GABRR1: variants seen among roughly 807,000 people sequenced by gnomAD.
The protein encoded by GABRR1 is gamma-aminobutyric acid type A receptor subunit rho1.
A neutral mutation model predicts 55.5 loss-of-function variants in GABRR1; 59 were observed. The ratio of observed to expected loss-of-function variants is 1.06; its 90% confidence interval spans 0.86 to 1.32. The LOEUF (loss-of-function observed/expected upper bound fraction) is 1.32, where lower values mean the gene tolerates loss of function less well. GABRR1 is among the 40% of genes most tolerant of loss of function. The pLI is 0.00. For synonymous variants in GABRR1, 213 were observed against 226.0 expected, an observed-to-expected ratio of 0.94 and a Z score of 0.51; for missense variants, 602 against 619.1, an observed-to-expected ratio of 0.97 and a Z score of 0.29.
At chr6:89,201,032 T>C (rs1772454316) in intron 3 of GABRR1, 127 bp downstream of exon 3, 2 of 692,246 alleles carry the variant, frequency 2.9e-6, no homozygotes, top group Non-Finnish European at 5.2e-6. Context: ...CGATGTCTTG[T>C]CCACCAAGCA....
chr6:89,222,279 G>T (rs1037202656), upstream of GABRR1, among the ~76,000 whole-genome samples: 2 of 152,172 alleles, frequency 1.3e-5, no homozygotes, highest in Admixed American at 6.5e-5. Flanking sequence ...AAATTTGGGG[G>T]AACAGTCAGC....
At chr6:89,190,379 A>G in intron 5 of GABRR1, 132 bp from the exon 6 acceptor site, 2 of 578,466 alleles carry the variant, frequency 3.5e-6, no homozygotes, top group East Asian at 3.0e-5. Flanking sequence ...GCAATGTGTC[A>G]GGGTTTAGAT....
chr6:89,184,596 G>A (rs1771836153), intron 7 of GABRR1, among the ~76,000 whole-genome samples: 1 of 152,180 alleles, frequency 6.6e-6, no homozygotes, highest in African/African-American at 2.4e-5. Flanking sequence ...CCACGGGGCT[G>A]GCTGGAGCAG....
intron 1 of GABRR1, among the ~76,000 whole-genome samples, chr6:89,204,335 G>A (rs1475920691): frequency 6.6e-6 from 1 of 152,244 alleles, no homozygotes; most frequent in Non-Finnish European, 1.5e-5. Context: ...CTGCAGGCGT[G>A]GGCAGAGCTA....
intron 5 of GABRR1, among the ~76,000 whole-genome samples, chr6:89,196,864 AAAGAAAGAAAG>A (rs1466416408): frequency 4.4e-5 from 6 of 135,586 alleles, no homozygotes; most frequent in East Asian, 4.1e-4. Context: ...AGAAAGAAAG[AAAGAAAGAAAG>A]AAAGAGAAGA....
upstream of GABRR1, among the ~76,000 whole-genome samples, chr6:89,218,330 A>T (rs1158413833): frequency 6.6e-6 from 1 of 152,188 alleles, no homozygotes; most frequent in Non-Finnish European, 1.5e-5. Context: ...TAATTACACA[A>T]GACTGAAAAA....
At chr6:89,224,962 T>G (rs1436447276) in intron 1 of GABRR1, among the ~76,000 whole-genome samples, 2 of 152,136 alleles carry the variant, frequency 1.3e-5, no homozygotes, top group Non-Finnish European at 2.9e-5. Flanking sequence ...TTTGTATTTT[T>G]AGTAGAGATG....
intron 1 of GABRR1, among the ~76,000 whole-genome samples, chr6:89,212,749 G>A (rs1397531950): frequency 1.3e-5 from 2 of 152,080 alleles, no homozygotes; most frequent in Admixed American, 6.5e-5. Context: ...GCTCACTGCA[G>A]CCTTGACATC....
intron 1 of GABRR1, 148 bp from the exon 2 acceptor site, chr6:89,203,633 C>T: frequency 3.0e-6 from 2 of 660,392 alleles, no homozygotes; most frequent in South Asian, 3.7e-5. Context: ...TCAATGCATT[C>T]ATTTAGCCTC....
At chr6:89,220,467 T>G (rs1773098372), upstream of GABRR1, among the ~76,000 whole-genome samples, 1 of 152,220 alleles carries the variant, frequency 6.6e-6, no homozygotes, top group African/African-American at 2.4e-5. Context: ...CATGCATCCC[T>G]CTTACTGCTG....
chr6:89,196,879 G>GAA (rs59573364), intron 5 of GABRR1, among the ~76,000 whole-genome samples: 18,084 of 136,800 alleles, frequency 0.13, 1,464 homozygotes, highest in African/African-American at 0.19. Context: ...AAGAAAGAAA[G>GAA]AGAAGAGAAG....
intron 5 of GABRR1, among the ~76,000 whole-genome samples, chr6:89,197,265 C>G (rs899415804): frequency 3.9e-5 from 6 of 152,192 alleles, no homozygotes; most frequent in Non-Finnish European, 7.3e-5. Context: ...AGCACGGAAG[C>G]CAAAGCAAAG....
upstream of GABRR1, chr6:89,217,556 T>G (rs532270620): frequency 2.4e-6 from 1 of 419,262 alleles, no homozygotes; most frequent in East Asian, 3.9e-5. Flanking sequence ...TGAATTCCTG[T>G]GTCCCAGTGG....
In GABRR1 at chr6:89,178,734, G is replaced by A. The variant is rs753708645; in HGVS notation, c.*36C>T. 7 of 1,540,870 alleles carry A rather than the reference G, an allele frequency of 4.5e-6. No homozygotes were observed. Among genetic ancestry groups the A allele is most frequent in the Non-Finnish European group, 6.3e-6 (7 of 1,114,856 alleles). On this transcript the variant is annotated 3_prime_UTR_variant, in exon 10 of 10. Coordinates refer to ENST00000454853, the MANE Select transcript of GABRR1 (RefSeq NM_002042.5). ...TTATACAGTTATTTCTGTAGTGCAT[G>A]CCATGGAAATGTGAAATTTGTAGAA...
chr6:89,196,793 G>GAAA (rs1772287157), intron 5 of GABRR1, among the ~76,000 whole-genome samples: 5 of 77,428 alleles, frequency 6.5e-5, no homozygotes, highest in Non-Finnish European at 1.3e-4. Flanking sequence ...AAGAAAAGAA[G>GAAA]GAAAGAAAAG....
At position 89,182,049 on chromosome 6, in the gene GABRR1, T is replaced by C. The variant is rs1327502687; in HGVS notation, c.805A>G (p.Asn269Asp). 1 of 1,613,944 alleles carries C rather than the reference T, an allele frequency of 6.2e-7. No individual in the cohort carries two copies. The highest frequency in any genetic ancestry group is 8.5e-7 in the Non-Finnish European group (1 of 1,179,986). Reference protein sequence around the residue: ...LAFYSSTGWYNRLYINFTLRR... With the variant: ...LAFYSSTGWYDRLYINFTLRR... Reference sequence around the variant, plus strand: ...AACGTGAAATTAATGTAGAGACGGTTGTACCAGCCTGGGGGACACAGGAAT... The same window carrying C: ...AACGTGAAATTAATGTAGAGACGGTCGTACCAGCCTGGGGGACACAGGAAT... Residue 269 changes from asparagine to aspartate, a missense_variant, in exon 8 of 10, where the codon AAC becomes GAC. Asn to Asp is a conservative substitution (Grantham distance 23). Around this residue, in one of 3 missense-constraint regions of GABRR1, gnomAD observed 435 missense variants for 424.2 expected, o/e 1.03. Transcript: ENST00000454853.
At chr6:89,226,202 C>G (rs955882645) in intron 1 of GABRR1, among the ~76,000 whole-genome samples, 11 of 150,386 alleles carry the variant, frequency 7.3e-5, no homozygotes, top group African/African-American at 2.7e-4. Flanking sequence ...AAATTTTCTC[C>G]CATTTTGTAG....
chr6:89,219,258 A>C (rs946747440), upstream of GABRR1, among the ~76,000 whole-genome samples: 1 of 152,006 alleles, frequency 6.6e-6, no homozygotes, highest in African/African-American at 2.4e-5. Context: ...AAGGAATGAA[A>C]CTCCGTCCCA....
intron 1 of GABRR1, among the ~76,000 whole-genome samples, chr6:89,208,530 TAAGTA>T (rs1253536310): frequency 2.6e-5 from 4 of 152,224 alleles, no homozygotes; most frequent in Non-Finnish European, 4.4e-5. Flanking sequence ...CAGCGGACTT[TAAGTA>T]AAGCAGATAC....
Sources: gnomAD v4.1 joint callset for allele counts (sites outside exome capture counted in the v4.1 genomes callset) on GRCh38, gnomAD v4.1.1 for gene constraint, gnomAD v4.1.1 regional missense constraint, MANE v1.5 for transcripts, NCBI Gene and HGNC (gene_info 2026-07-23, HGNC 2026-07-21) for gene names.